PLGRKT: variants seen among roughly 807,000 people sequenced by gnomAD.
The protein encoded by PLGRKT is plasminogen receptor (KT).
PLGRKT carries 22 observed loss-of-function variants against 18.5 expected under a neutral mutation model. The observed-to-expected ratio is 1.19, with a 90% CI of 0.85 to 1.70. The LOEUF (loss-of-function observed/expected upper bound fraction) is 1.70. Ranked by LOEUF, PLGRKT falls within the 40% of genes most tolerant of loss-of-function variation. The pLI is 0.00. For synonymous variants in PLGRKT, 72 were observed against 52.8 expected (o/e 1.36, Z -1.58); for missense variants, 235 against 174.4 (o/e 1.35, Z -1.96).
At chr9:5,381,886 T>C (rs1344605751) in intron 3 of PLGRKT, 1 of 984,952 alleles carries the variant, frequency 1.0e-6, no homozygotes, top group Non-Finnish European at 1.2e-6. Context: ...CCTTAAGTTG[T>C]ACCAAATCAC....
intron 3 of PLGRKT, among the ~76,000 whole-genome samples, chr9:5,413,052 G>C (rs1453269113): frequency 2.0e-5 from 3 of 152,168 alleles, no homozygotes; most frequent in South Asian, 2.1e-4. Flanking sequence ...CTTCTTGCTT[G>C]TCAGGCTAGC....
At chr9:5,386,097 G>C (rs561618033) in intron 3 of PLGRKT, among the ~76,000 whole-genome samples, 3 of 151,934 alleles carry the variant, frequency 2.0e-5, no homozygotes, top group African/African-American at 7.3e-5. Context: ...AAGAAAATGC[G>C]AATGCACTGG....
chr9:5,407,160 C>A (rs556129041), intron 3 of PLGRKT, among the ~76,000 whole-genome samples: 3 of 152,170 alleles, frequency 2.0e-5, no homozygotes, highest in Admixed American at 6.5e-5. Flanking sequence ...AAAACATGTA[C>A]AATGATTGAC....
chr9:5,391,088 C>T (rs1022298708), intron 3 of PLGRKT, among the ~76,000 whole-genome samples: 1 of 151,778 alleles, frequency 6.6e-6, no homozygotes, highest in Non-Finnish European at 1.5e-5. Flanking sequence ...AAGTACTTTG[C>T]GGAATTGATG....
rs1174091475 is a variant in PLGRKT at position 5,437,815 on chromosome 9, C to G, written c.-159G>C. On this transcript the variant is annotated 5_prime_UTR_variant, in exon 1 of 6. Coordinates refer to ENST00000223864, the MANE Select transcript of PLGRKT (RefSeq NM_018465.4). ...GGGCGGCGCTGGTGCCGGGACCAGG[C>G]GACCGGTACGCAAACCTCCAGGCCC... 6.6e-6 allele frequency: 1 copy of G among 152,284 alleles called. No homozygotes were observed. Among genetic ancestry groups the G allele is most frequent in the Non-Finnish European group, 1.5e-5 (1 of 68,080 alleles). The allele number at this position is 152,284 out of a possible 1,614,324, so 9.4% of individuals were successfully genotyped here. A position where few individuals can be genotyped will look rare whatever the true frequency, so the allele number is the denominator to read the frequency against.
At chr9:5,423,612 T>C (rs1818618134) in intron 3 of PLGRKT, among the ~76,000 whole-genome samples, 1 of 152,134 alleles carries the variant, frequency 6.6e-6, no homozygotes, top group South Asian at 2.1e-4. Flanking sequence ...ACCTTCTTTC[T>C]TCTTGAAACA....
intron 3 of PLGRKT, among the ~76,000 whole-genome samples, chr9:5,405,320 A>G (rs1234342887): frequency 2.0e-5 from 3 of 152,216 alleles, no homozygotes; most frequent in Non-Finnish European, 2.9e-5. Context: ...AGCAAAAAGA[A>G]CAAAGCTGGA....
At chr9:5,363,460 G>C (rs907029604) in intron 3 of PLGRKT, among the ~76,000 whole-genome samples, 1 of 151,934 alleles carries the variant, frequency 6.6e-6, no homozygotes, top group Non-Finnish European at 1.5e-5. Context: ...TCAATCTTCA[G>C]CTACCTTCTC....
intron 3 of PLGRKT, among the ~76,000 whole-genome samples, chr9:5,393,163 C>T (rs1157393545): frequency 6.6e-6 from 1 of 151,834 alleles, no homozygotes; most frequent in Non-Finnish European, 1.5e-5. Context: ...ATTTTAAAAA[C>T]TATTTGCGAC....
chr9:5,426,967 CT>C (rs1818714348), intron 3 of PLGRKT, among the ~76,000 whole-genome samples: 1 of 152,192 alleles, frequency 6.6e-6, no homozygotes, highest in Non-Finnish European at 1.5e-5. Context: ...ATAAAGTCTT[CT>C]GCCAGCATCC....
chr9:5,397,477 C>G (rs192418346), intron 3 of PLGRKT, among the ~76,000 whole-genome samples: 1 of 151,596 alleles, frequency 6.6e-6, no homozygotes, highest in Admixed American at 6.6e-5. Context: ...TTCTGTATCC[C>G]AATCACCTTA....
intron 3 of PLGRKT, among the ~76,000 whole-genome samples, chr9:5,429,781 A>G (rs1399489772): frequency 6.6e-6 from 1 of 152,182 alleles, no homozygotes; most frequent in African/African-American, 2.4e-5. Flanking sequence ...TGGAGACAGG[A>G]GACACATTTC....
chr9:5,390,700 C>T (rs1817934827), intron 3 of PLGRKT, among the ~76,000 whole-genome samples: 1 of 151,784 alleles, frequency 6.6e-6, no homozygotes, highest in Non-Finnish European at 1.5e-5. Context: ...CCCAATGTAC[C>T]CAGTCACTCC....
intron 3 of PLGRKT, among the ~76,000 whole-genome samples, chr9:5,399,825 A>G (rs1193894794): frequency 6.6e-6 from 1 of 151,518 alleles, no homozygotes; most frequent in Non-Finnish European, 1.5e-5. Context: ...CTACGTCGCT[A>G]CTAAAAATAC....
At chr9:5,414,129 G>A (rs1021205507) in intron 3 of PLGRKT, among the ~76,000 whole-genome samples, 1 of 152,170 alleles carries the variant, frequency 6.6e-6, no homozygotes, top group African/African-American at 2.4e-5. Context: ...ATGGGAATGA[G>A]TTAATAGGGA....
At chr9:5,372,504 T>A (rs1817540933) in intron 3 of PLGRKT, among the ~76,000 whole-genome samples, 1 of 152,174 alleles carries the variant, frequency 6.6e-6, no homozygotes, top group Non-Finnish European at 1.5e-5. Context: ...AGCATGGAAG[T>A]AAGTTTGCAC....
intron 3 of PLGRKT, among the ~76,000 whole-genome samples, chr9:5,409,428 C>T (rs886473059): frequency 6.6e-6 from 1 of 152,186 alleles, no homozygotes; most frequent in African/African-American, 2.4e-5. Context: ...CATCGGACTC[C>T]GAGTTCTTCA....
chr9:5,362,201 G>A lies in PLGRKT; in HGVS notation c.82-313C>T, dbSNP rs144150893. Among the ~76,000 whole-genome samples the A allele has an allele frequency of 2.0e-5, 3 of 152,332 alleles. No homozygotes were observed. In the East Asian group the frequency reaches 5.8e-4, roughly 29 times the overall value. On this transcript the variant is annotated intron_variant, in intron 3 of 5. Transcript: ENST00000223864. ...ATGTCCAGCTTTTCCTATTGGATGT[G>A]TGGAAAGATCTATGGGTCTTTAAAT...
chr9:5,379,621 C>T (rs780072446), intron 3 of PLGRKT, among the ~76,000 whole-genome samples: 9 of 151,574 alleles, frequency 5.9e-5, no homozygotes, highest in Non-Finnish European at 1.0e-4. Flanking sequence ...AAAGTTAACC[C>T]AATAGAAAAA....
Sources: allele counts gnomAD v4.1 joint callset (sites outside exome capture counted in the v4.1 genomes callset), GRCh38; gene constraint gnomAD v4.1.1; transcripts MANE v1.5; gene names NCBI Gene and HGNC (gene_info 2026-07-23, HGNC 2026-07-21).